The following ADAMTS3 variants were observed in gnomAD, a reference collection of about 807,000 sequenced individuals.
The protein encoded by ADAMTS3 is A disintegrin and metalloproteinase with thrombospondin motifs 3.
ADAMTS3 carries 73 observed loss-of-function variants against 129.0 expected under a neutral mutation model. That is an observed-to-expected ratio of 0.57 (90% confidence interval 0.47 to 0.69). The LOEUF is 0.69. Among genes scored for constraint, ADAMTS3 ranks in the 30% least tolerant of loss-of-function variants. The probability of loss-of-function intolerance (pLI) is 0.00; values close to 1 mark genes in which losing one functional copy is unlikely to be tolerated. For synonymous variants in ADAMTS3, 477 were observed against 510.8 expected (o/e 0.93, Z 0.89); for missense variants, 1,457 against 1,514.5 (o/e 0.96, Z 0.63).
intron 4 of ADAMTS3, among the ~76,000 whole-genome samples, chr4:72,363,256 A>G (rs1407606036): frequency 6.6e-6 from 1 of 152,162 alleles, no homozygotes; most frequent in East Asian, 1.9e-4. Context: ...GAAACATAAC[A>G]CTTGGTAAAA....
Position 72,420,070 on chromosome 4 carries a change from G to GA in ADAMTS3, c.505-5100dup, listed in dbSNP as rs200761636. Among the ~76,000 whole-genome samples the GA allele has an allele frequency of 8.0e-4, 121 of 150,628 alleles. 1 individual carries two copies. In the East Asian group the frequency reaches 0.018, roughly 23 times the overall value. On this transcript the variant is annotated intron_variant, in intron 3 of 21. Transcript: ENST00000286657. ...AGAATTAATTTAAAAGTGATTTCAG[G>GA]AAAAAAAAAGTGGTACCTTTTAAAA... is the stretch of plus-strand genomic sequence containing the variant.
At chr4:72,501,746 G>T (rs1720030861) in intron 3 of ADAMTS3, among the ~76,000 whole-genome samples, 1 of 151,860 alleles carries the variant, frequency 6.6e-6, no homozygotes, top group South Asian at 2.1e-4. Context: ...CCTATGGGTT[G>T]GTCATAGACA....
intron 4 of ADAMTS3, among the ~76,000 whole-genome samples, chr4:72,358,129 A>C (rs1003790708): frequency 6.6e-6 from 1 of 151,914 alleles, no homozygotes; most frequent in African/African-American, 2.4e-5. Context: ...AGTACACAGG[A>C]TATATGCCAG....
intron 2 of ADAMTS3, among the ~76,000 whole-genome samples, chr4:72,556,056 G>A (rs544041267): frequency 2.0e-5 from 3 of 151,660 alleles, no homozygotes; most frequent in East Asian, 1.9e-4. Context: ...GGCAAAACCC[G>A]CAATTACTTT....
intron 3 of ADAMTS3, among the ~76,000 whole-genome samples, chr4:72,483,859 A>C (rs1249174115): frequency 6.6e-6 from 1 of 152,036 alleles, no homozygotes; most frequent in African/African-American, 2.4e-5. Flanking sequence ...TCTACTAAAA[A>C]TACAAAAAAT....
At chr4:72,364,182 A>G (rs1368150626) in intron 4 of ADAMTS3, among the ~76,000 whole-genome samples, 1 of 152,174 alleles carries the variant, frequency 6.6e-6, no homozygotes, top group African/African-American at 2.4e-5. Flanking sequence ...TTCAAAACAC[A>G]GAACCATGCA....
At chr4:72,368,128 A>G (rs968810122) in intron 4 of ADAMTS3, among the ~76,000 whole-genome samples, 3 of 152,220 alleles carry the variant, frequency 2.0e-5, no homozygotes, top group African/African-American at 7.2e-5. Context: ...ATTTACACAT[A>G]TTATTAAGTA....
chr4:72,498,502 G>A (rs1719926685), intron 3 of ADAMTS3, among the ~76,000 whole-genome samples: 1 of 151,958 alleles, frequency 6.6e-6, no homozygotes, highest in African/African-American at 2.4e-5. Context: ...AGGTAATAAA[G>A]AATGAAACTA....
intron 3 of ADAMTS3, among the ~76,000 whole-genome samples, chr4:72,455,661 T>A (rs939826265): frequency 1.3e-5 from 2 of 149,164 alleles, no homozygotes; most frequent in African/African-American, 4.9e-5. Flanking sequence ...GTTGGACAGT[T>A]TCTTTAAAAA....
At chr4:72,480,097 G>T (rs1719386000) in intron 3 of ADAMTS3, among the ~76,000 whole-genome samples, 1 of 152,178 alleles carries the variant, frequency 6.6e-6, no homozygotes, top group Non-Finnish European at 1.5e-5. Flanking sequence ...ACTGTTGGTG[G>T]GACTGTAAAC....
At chr4:72,565,830 C>G (rs541344668) in intron 2 of ADAMTS3, among the ~76,000 whole-genome samples, 112 of 152,290 alleles carry the variant, frequency 7.4e-4, no homozygotes, top group African/African-American at 2.5e-3. Context: ...TCGGTTCAAT[C>G]CAGGGCCTCT....
chr4:72,489,589 G>C (rs1418413052), intron 3 of ADAMTS3, among the ~76,000 whole-genome samples: 1 of 152,022 alleles, frequency 6.6e-6, no homozygotes, highest in East Asian at 1.9e-4. Context: ...TCCTTCTGAG[G>C]TATAGTCAGA....
intron 4 of ADAMTS3, among the ~76,000 whole-genome samples, chr4:72,342,807 C>G (rs938122807): frequency 1.3e-5 from 2 of 152,100 alleles, no homozygotes; most frequent in African/African-American, 4.8e-5. Flanking sequence ...GTACTGTGGC[C>G]CCACCAAGAG....
chr4:72,321,179 T>A (rs963506838), intron 6 of ADAMTS3, among the ~76,000 whole-genome samples: 2 of 152,090 alleles, frequency 1.3e-5, no homozygotes, highest in African/African-American at 4.8e-5. Context: ...GAGAATGGTT[T>A]TGTTTTGTTT....
intron 4 of ADAMTS3, among the ~76,000 whole-genome samples, chr4:72,384,241 G>T (rs1203201357): frequency 6.6e-6 from 1 of 152,070 alleles, no homozygotes; most frequent in Non-Finnish European, 1.5e-5. Context: ...AGAATTAAGA[G>T]AAAAATTATT....
chr4:72,504,896 G>GT (rs1720117243), intron 3 of ADAMTS3, among the ~76,000 whole-genome samples: 1 of 152,132 alleles, frequency 6.6e-6, no homozygotes, highest in Admixed American at 6.5e-5. Flanking sequence ...CTTAGGTGAG[G>GT]TTTTCAATTC....
At chr4:72,417,578 C>T (rs766778944) in intron 3 of ADAMTS3, among the ~76,000 whole-genome samples, 2 of 151,970 alleles carry the variant, frequency 1.3e-5, no homozygotes, top group African/African-American at 4.8e-5. Context: ...ACTCCATGGA[C>T]CCAAAATCTG....
At chr4:72,472,165 G>A (rs565202880) in intron 3 of ADAMTS3, among the ~76,000 whole-genome samples, 13 of 152,134 alleles carry the variant, frequency 8.5e-5, no homozygotes, top group Admixed American at 2.0e-4. Context: ...GAGAAATAAC[G>A]TTTTTATAAA....
chr4:72,294,336 G>A (rs931233007), intron 19 of ADAMTS3, among the ~76,000 whole-genome samples: 3 of 151,986 alleles, frequency 2.0e-5, no homozygotes, highest in Non-Finnish European at 2.9e-5. Flanking sequence ...TGGTCAAGGG[G>A]TACAAAGTTT....
Sources: allele counts gnomAD v4.1 joint callset (sites outside exome capture counted in the v4.1 genomes callset), GRCh38; gene constraint gnomAD v4.1.1; transcripts MANE v1.5; gene names NCBI Gene and HGNC (gene_info 2026-07-23, HGNC 2026-07-21).